The following CACNA1A variants were observed in gnomAD, a reference collection of about 807,000 sequenced individuals.
CACNA1A encodes the protein voltage-dependent P/Q-type calcium channel subunit alpha-1A.
CACNA1A carries 57 observed loss-of-function variants against 262.4 expected under a neutral mutation model. That is an observed-to-expected ratio of 0.22 (90% confidence interval 0.18 to 0.27). The LOEUF is 0.27. CACNA1A is among the 10% of genes least tolerant of loss of function. CACNA1A has a pLI of 1.00. For synonymous variants in CACNA1A, 1,431 were observed against 1,419.3 expected (o/e 1.01, Z -0.18); for missense variants, 2,526 against 3,562.8 (o/e 0.71, Z 7.41).
intron 3 of CACNA1A, among the ~76,000 whole-genome samples, chr19:13,391,033 C>T (rs756877319): frequency 4.6e-5 from 7 of 152,110 alleles, no homozygotes; most frequent in Admixed American, 2.0e-4. Context: ...ATTACAGGCA[C>T]GTGACACCAT....
At position 13,298,842 on chromosome 19, in the gene CACNA1A, T is replaced by C; in HGVS notation, c.2791A>G (p.Arg931Gly). 6.3e-7 allele frequency: 1 copy of C among 1,583,452 alleles called. No homozygotes were observed. The highest frequency in any genetic ancestry group is 8.5e-7 in the Non-Finnish European group (1 of 1,173,830). The change falls in exon 19 of 47, where the codon AGG becomes GGG. Residue 931 changes from arginine to glycine, a missense_variant. Arg to Gly is a moderately radical substitution (Grantham distance 125). Around this residue, in one of 17 missense-constraint regions of CACNA1A, gnomAD observed 765 missense variants for 748.6 expected, o/e 1.02. Transcript: ENST00000360228. ...CTGCCCCCCTGCCGGTGCACGTGCC[T>C]CCGGTGGGGGTCCCCGGCCTTGCCT... ...ERGKAGDPHR[R>G]HVHRQGGSRE...
chr19:13,298,493 T>A, intron 19 of CACNA1A, 51 bp downstream of exon 19: 1 of 1,454,810 alleles, frequency 6.9e-7, no homozygotes, highest in South Asian at 1.2e-5. Context: ...TTGGCTGTTG[T>A]CATTATTAAT....
At chr19:13,251,262 T>TTA in intron 30 of CACNA1A, among the ~76,000 whole-genome samples, 1 of 151,334 alleles carries the variant, frequency 6.6e-6, no homozygotes, top group African/African-American at 2.4e-5. Context: ...GGCGGGCGGA[T>TTA]CATGAGGTCA....
At position 13,227,446 on chromosome 19, in the gene CACNA1A, G is replaced by A. The variant is rs1218208449; in HGVS notation, c.5610C>T (p.Ala1870=). 4 of 1,607,404 alleles carry A rather than the reference G, an allele frequency of 2.5e-6. No homozygotes were observed. The highest frequency in any genetic ancestry group is 3.4e-6 in the Non-Finnish European group (4 of 1,175,356). The change falls in exon 37 of 47, where the codon GCC becomes GCT. Residue 1870 remains alanine, a synonymous_variant. Coordinates refer to ENST00000360228, the MANE Select transcript of CACNA1A (RefSeq NM_001127222.2). ...GGTAGTCTACCTTGTAAGCCACTCT[G>A]GCCGGACACTTCTTCCCCAGACCCA... ...PPLGLGKKCP[A]RVAYKRLLRM... is the part of the protein sequence containing the mutation.
At position 13,253,119 on chromosome 19, in the gene CACNA1A, G is replaced by C. The variant is rs762557748; in HGVS notation, c.4756-18C>G. 7.2e-6 allele frequency: 11 copies of C among 1,531,114 alleles called. No individual in the cohort carries two copies. Among genetic ancestry groups the C allele is most frequent in the Non-Finnish European group, 9.1e-6 (10 of 1,104,860 alleles). The allele number at this position is 1,531,114 out of a possible 1,614,324, so 94.8% of individuals were successfully genotyped here. A position where few individuals can be genotyped will look rare whatever the true frequency, so the allele number is the denominator to read the frequency against. Reference sequence around the variant, plus strand: ...CCATAGAACTAGGGGAAAGAAGCAGGAGTAGCAGGGGTCAGCGAGCAGGGG... The same window carrying C: ...CCATAGAACTAGGGGAAAGAAGCAGCAGTAGCAGGGGTCAGCGAGCAGGGG... On this transcript the variant is annotated intron_variant, in intron 29 of 46. Transcript: ENST00000360228.
chr19:13,395,835 C>A (rs10409733), intron 3 of CACNA1A, among the ~76,000 whole-genome samples: 35 of 151,434 alleles, frequency 2.3e-4, no homozygotes, highest in African/African-American at 7.8e-4. Context: ...GAGAGCCCCC[C>A]CTCCATTCCA....
At chr19:13,289,665 A>T (rs1311374124) in intron 19 of CACNA1A, among the ~76,000 whole-genome samples, 3 of 152,116 alleles carry the variant, frequency 2.0e-5, no homozygotes, top group African/African-American at 7.2e-5. Context: ...AACCTCATTG[A>T]GTCTGGCTCT....
rs1391496571 is a variant in CACNA1A, at chr19:13,330,261, G to C, written c.1328C>G (p.Ala443Gly). ...GGACTCACCCACAGAGGCTATATCA[G>C]CCAGCTGATCCTCAGCCTCTTCGGG... Reference protein sequence around the residue: ...LNPEEAEDQLADIASVGSPFA... With the variant: ...LNPEEAEDQLGDIASVGSPFA... Residue 443 changes from alanine (A) to glycine (G), a missense_variant, in exon 10 of 47, where the codon GCT (alanine) becomes GGT (glycine). Ala to Gly is a moderately conservative substitution (Grantham distance 60). Coordinates refer to ENST00000360228, the MANE Select transcript of CACNA1A (RefSeq NM_001127222.2). The C allele has an allele frequency of 6.4e-7, 1 of 1,558,508 alleles. No homozygotes were observed. Among genetic ancestry groups the C allele is most frequent in the South Asian group, 1.2e-5 (1 of 84,452 alleles).
At chr19:13,369,106 G>A (rs1039088593) in intron 4 of CACNA1A, among the ~76,000 whole-genome samples, 4 of 151,832 alleles carry the variant, frequency 2.6e-5, no homozygotes, top group Non-Finnish European at 5.9e-5. Flanking sequence ...AGTGGTTAAG[G>A]TGCTGGATAC....
Position 13,308,056 on chromosome 19 carries a change from G to A in CACNA1A, c.1913+64C>T. On this transcript the variant is annotated intron_variant, in intron 14 of 46. Transcript: ENST00000360228. This position sits in a 1 kb window ranked among gnomAD's most constrained non-coding sequence, Gnocchi z 4.2. ...GGAAGGCAGCCTGCACGGTGGAGGG[G>A]ACTGTGTGTTCCCTGAGCCTGACCC... 1 of 1,594,192 alleles carries A rather than the reference G, an allele frequency of 6.3e-7. No homozygotes were observed. The highest frequency in any genetic ancestry group is 8.6e-7 in the Non-Finnish European group (1 of 1,166,210).
chr19:13,419,634 G>A (rs1006253263), intron 3 of CACNA1A, among the ~76,000 whole-genome samples: 4 of 152,106 alleles, frequency 2.6e-5, no homozygotes, highest in African/African-American at 9.7e-5. Context: ...CTGTTATCAG[G>A]CCACTGCACT....
At chr19:13,208,085 A>G (rs2054634491) in intron 46 of CACNA1A, 32 bp from the exon 47 acceptor site, 1 of 1,261,200 alleles carries the variant, frequency 7.9e-7, no homozygotes, top group Non-Finnish European at 9.9e-7. Context: ...GGAAATCAAA[A>G]AAAAAGATAC....
At position 13,207,506 on chromosome 19, in the gene CACNA1A, G is replaced by A. The variant is rs763414737; in HGVS notation, c.7328C>T (p.Ala2443Val). The A allele has an allele frequency of 1.4e-4, 201 of 1,426,954 alleles. No homozygotes were observed. Among genetic ancestry groups the A allele is most frequent in the Admixed American group, 2.4e-4 (8 of 33,700 alleles). The allele number at this position is 1,426,954 out of a possible 1,614,324, so 88.4% of individuals were successfully genotyped here. A position where few individuals can be genotyped will look rare whatever the true frequency, so the allele number is the denominator to read the frequency against. The change falls in exon 47 of 47, where the codon GCG becomes GTG. Residue 2443 changes from alanine (A) to valine (V), a missense_variant. Ala to Val is a moderately conservative substitution (Grantham distance 64, BLOSUM62 0). This residue lies in a region of CACNA1A where 929 missense variants were observed against 868.1 expected (regional missense o/e 1.07). Coordinates refer to ENST00000360228, the MANE Select transcript of CACNA1A (RefSeq NM_001127222.2). This position sits in a 1 kb window ranked among gnomAD's most constrained non-coding sequence, Gnocchi z 5.7. ...CGAGCGCCCGGTGGCGCCCGAGGAC[G>A]CGTGTCGTACGGGGGGTGGCGCGTC... is the stretch of plus-strand genomic sequence containing the variant. ...AYDAPPPVRH[A>V]SSGATGRSPR...
chr19:13,484,321 CA>C (rs1220935330), intron 1 of CACNA1A, among the ~76,000 whole-genome samples: 1 of 152,138 alleles, frequency 6.6e-6, no homozygotes, highest in Non-Finnish European at 1.5e-5. Context: ...CCCTGGGGGC[CA>C]GGGGCTGTCC....
chr19:13,252,240 A>ATT (rs35692966), intron 30 of CACNA1A, among the ~76,000 whole-genome samples: 1 of 143,190 alleles, frequency 7.0e-6, no homozygotes, highest in African/African-American at 2.6e-5. Context: ...TTAAAAAAAA[A>ATT]TTTTTTTTTT....
At chr19:13,227,877 C>G (rs80205882) in intron 36 of CACNA1A, among the ~76,000 whole-genome samples, 7 of 140,912 alleles carry the variant, frequency 5.0e-5, no homozygotes, top group Non-Finnish European at 7.6e-5. Context: ...CTTTGGAAGA[C>G]GTAGAGCCAT....
chr19:13,343,368 C>T (rs538807462), intron 6 of CACNA1A, among the ~76,000 whole-genome samples: 14 of 152,108 alleles, frequency 9.2e-5, no homozygotes, highest in Admixed American at 4.6e-4. Flanking sequence ...AGGTGATCCA[C>T]CCACTTCAGC....
chr19:13,300,815 T>C (rs974041976), intron 17 of CACNA1A, among the ~76,000 whole-genome samples, 159 bp from the exon 18 acceptor site: 1 of 152,204 alleles, frequency 6.6e-6, no homozygotes. Flanking sequence ...GTTAAGTGTA[T>C]TGCTATCCCC....
chr19:13,506,212 C>T lies in CACNA1A; in HGVS notation c.13G>A (p.Gly5Arg). The T allele has an allele frequency of 1.3e-6, 2 of 1,485,502 alleles. No individual in the cohort carries two copies. Among genetic ancestry groups the T allele is most frequent in the Non-Finnish European group, 8.9e-7 (1 of 1,124,978 alleles). 92.0% of individuals were successfully genotyped at this position (1,485,502 alleles called of 1,614,324 possible). The stretch of plus-strand genomic sequence containing the variant: ...CCGTAGCGGGCCGGCATCTCGTCTC[C>T]GAAGCGGGCCATTCTGCAAAGAGCA... MARF[G>R]DEMPARYGGG... The change falls in exon 1 of 47, where the codon GGA becomes AGA. Residue 5 changes from glycine to arginine, a missense_variant. Coordinates refer to ENST00000360228, the MANE Select transcript of CACNA1A (RefSeq NM_001127222.2).
Sources: allele counts gnomAD v4.1 joint callset (sites outside exome capture counted in the v4.1 genomes callset), GRCh38; gene constraint gnomAD v4.1.1; regional missense constraint gnomAD v4.1.1; non-coding constraint Gnocchi (gnomAD v3.1); transcripts MANE v1.5; gene names NCBI Gene and HGNC (gene_info 2026-07-23, HGNC 2026-07-21).